FOXP2: variants seen among roughly 807,000 people sequenced by gnomAD.
FOXP2 encodes the protein forkhead box protein P2.
Under a neutral mutation model 115.8 loss-of-function variants are expected in FOXP2, and 12 were observed. The ratio of observed to expected loss-of-function variants is 0.10; its 90% CI spans 0.07 to 0.17. The LOEUF is 0.17. FOXP2 is among the 10% of genes least tolerant of loss of function. The probability of loss-of-function intolerance (pLI) is 1.00; values close to 1 mark genes in which losing one functional copy is unlikely to be tolerated. For missense variants in FOXP2, 629 were observed against 843.5 expected (o/e 0.75, Z 3.15); for synonymous variants, 328 against 297.7 (o/e 1.10, Z -1.05).
Position 114,466,734 on chromosome 7 carries a change from G to A in FOXP2, c.168+40055G>A, listed in dbSNP as rs544674873. On this transcript the variant is annotated intron_variant, in intron 2 of 16. Transcript: ENST00000350908. The stretch of plus-strand genomic sequence containing the variant: ...TATTGCTTTCCATATTTTAGGAATC[G>A]TTGCCAGATAATGTCAATTTTGTAA... Among the ~76,000 whole-genome samples the A allele has an allele frequency of 2.7e-3, 411 of 152,218 alleles. 1 individual carries two copies. The highest frequency in any genetic ancestry group is 4.6e-3 in the Non-Finnish European group (310 of 67,996).
intron 1 of FOXP2, among the ~76,000 whole-genome samples, chr7:114,142,534 C>A (rs1236542685): frequency 2.0e-5 from 3 of 152,024 alleles, no homozygotes; most frequent in Non-Finnish European, 1.5e-5. Context: ...CCAGAAGGTC[C>A]ATTTTAAGTA....
chr7:114,689,534 C>T (rs539393685), intron 16 of FOXP2, among the ~76,000 whole-genome samples: 9 of 152,176 alleles, frequency 5.9e-5, no homozygotes, highest in African/African-American at 1.9e-4. Context: ...TGCTGAGAAA[C>T]GGATGTTTTA....
chr7:114,169,436 A>G (rs1793077168), intron 1 of FOXP2, among the ~76,000 whole-genome samples: 2 of 152,142 alleles, frequency 1.3e-5, no homozygotes, highest in African/African-American at 4.8e-5. Context: ...TCAGAATTGC[A>G]TGGGCCCTGT....
chr7:114,283,066 G>A (rs1392897793), intron 1 of FOXP2, among the ~76,000 whole-genome samples: 1 of 152,058 alleles, frequency 6.6e-6, no homozygotes, highest in African/African-American at 2.4e-5. Context: ...ATTAATTTGT[G>A]AATTAAACTT....
At chr7:114,569,195 G>A (rs1801170413) in intron 3 of FOXP2, among the ~76,000 whole-genome samples, 1 of 151,894 alleles carries the variant, frequency 6.6e-6, no homozygotes, top group Non-Finnish European at 1.5e-5. Context: ...TTAAATAGCA[G>A]TCCAAAAATC....
chr7:114,226,283 A>G (rs1312395132), intron 1 of FOXP2, among the ~76,000 whole-genome samples: 1 of 152,178 alleles, frequency 6.6e-6, no homozygotes, highest in Non-Finnish European at 1.5e-5. Flanking sequence ...CCCCAAATAA[A>G]ACCTCAGATC....
chr7:114,320,516 T>C (rs944768967), intron 2 of FOXP2, among the ~76,000 whole-genome samples: 4 of 152,224 alleles, frequency 2.6e-5, no homozygotes, highest in Non-Finnish European at 5.9e-5. Flanking sequence ...ATTTTTATAT[T>C]CTGGCACCAC....
chr7:114,245,474 C>A (rs967307667), intron 1 of FOXP2, among the ~76,000 whole-genome samples: 10 of 152,180 alleles, frequency 6.6e-5, no homozygotes, highest in African/African-American at 2.4e-4. Flanking sequence ...AAAACATACT[C>A]ACTTTTGAAG....
At chr7:114,473,890 A>G (rs1171814694) in intron 2 of FOXP2, among the ~76,000 whole-genome samples, 1 of 152,142 alleles carries the variant, frequency 6.6e-6, no homozygotes, top group Non-Finnish European at 1.5e-5. Flanking sequence ...AAGTTTAAAA[A>G]AAAAAGCTTT....
intron 2 of FOXP2, among the ~76,000 whole-genome samples, chr7:114,450,782 C>T (rs1795038528): frequency 6.6e-6 from 1 of 151,944 alleles, no homozygotes; most frequent in Non-Finnish European, 1.5e-5. Context: ...AACCACTGCT[C>T]CTTTTAAATA....
At chr7:114,550,428 T>C (rs1394347498) in intron 3 of FOXP2, among the ~76,000 whole-genome samples, 1 of 152,136 alleles carries the variant, frequency 6.6e-6, no homozygotes, top group Non-Finnish European at 1.5e-5. Context: ...ATCTTTCTTT[T>C]GAAGAAGGTA....
chr7:114,455,603 A>G (rs547752453), intron 2 of FOXP2, among the ~76,000 whole-genome samples: 85 of 152,304 alleles, frequency 5.6e-4, no homozygotes, highest in Non-Finnish European at 1.1e-3. Context: ...TATATCCCCT[A>G]CAACTTGCTA....
intron 1 of FOXP2, among the ~76,000 whole-genome samples, chr7:114,096,661 C>T (rs539408895): frequency 4.4e-4 from 67 of 152,160 alleles, no homozygotes; most frequent in Non-Finnish European, 7.2e-4. Flanking sequence ...TAAGTATATG[C>T]ACATGCTTAT....
intron 3 of FOXP2, among the ~76,000 whole-genome samples, chr7:114,572,796 G>A (rs1259216919): frequency 6.6e-6 from 1 of 151,802 alleles, no homozygotes; most frequent in African/African-American, 2.4e-5. Context: ...AGCATCAAAA[G>A]TTTATATTTT....
At chr7:114,114,957 G>A (rs1791363110) in intron 1 of FOXP2, among the ~76,000 whole-genome samples, 1 of 152,100 alleles carries the variant, frequency 6.6e-6, no homozygotes, top group Non-Finnish European at 1.5e-5. Flanking sequence ...GAAAACGTTT[G>A]TGTAAAATAG....
intron 2 of FOXP2, among the ~76,000 whole-genome samples, chr7:114,344,243 A>G (rs1184399046): frequency 6.6e-6 from 1 of 151,792 alleles, no homozygotes; most frequent in East Asian, 1.9e-4. Flanking sequence ...GATACTCATC[A>G]ATATCTAAGC....
chr7:114,437,913 C>T (rs148979912), intron 2 of FOXP2, among the ~76,000 whole-genome samples: 15 of 152,112 alleles, frequency 9.9e-5, no homozygotes, highest in East Asian at 1.9e-4. Context: ...TGAATTGAGA[C>T]GTGCTTTAAG....
intron 2 of FOXP2, chr7:114,297,077 G>T: frequency 7.5e-6 from 3 of 401,034 alleles, no homozygotes; most frequent in Non-Finnish European, 9.9e-6. Flanking sequence ...CTGTCAAGCT[G>T]CCCTTTATTT....
chr7:114,246,116 A>G (rs918814838), intron 1 of FOXP2, among the ~76,000 whole-genome samples: 3 of 152,186 alleles, frequency 2.0e-5, no homozygotes, highest in African/African-American at 7.2e-5. Context: ...AATGATATAC[A>G]GTATCTTTGT....
Sources: gnomAD v4.1 joint callset for allele counts (sites outside exome capture counted in the v4.1 genomes callset) on GRCh38, gnomAD v4.1.1 for gene constraint, MANE v1.5 for transcripts, NCBI Gene and HGNC (gene_info 2026-07-23, HGNC 2026-07-21) for gene names.